Variants in VAV2 observed in about 807,000 individuals in gnomAD.
VAV2 encodes guanine nucleotide exchange factor VAV2.
In VAV2, 67 loss-of-function variants were observed where a neutral mutation model predicts 132.5. That is an observed-to-expected ratio of 0.51 (90% CI 0.42 to 0.62). The LOEUF (loss-of-function observed/expected upper bound fraction) is 0.62, where lower values mean the gene tolerates loss of function less well. Ranked by LOEUF, VAV2 falls within the 20% of genes least tolerant of loss-of-function variation. VAV2 has a pLI of 0.00. For synonymous variants in VAV2, 492 were observed against 443.5 expected, an observed-to-expected ratio of 1.11 and a Z score of -1.37; for missense variants, 938 against 1,153.6, an observed-to-expected ratio of 0.81 and a Z score of 2.71.
At chr9:133,803,253 AT>A (rs1237973461) in intron 9 of VAV2, among the ~76,000 whole-genome samples, 1 of 152,072 alleles carries the variant, frequency 6.6e-6, no homozygotes, top group Non-Finnish European at 1.5e-5. Context: ...TCTGTTCTGC[AT>A]TCCTCCCAAA....
At chr9:133,937,424 C>CTG (rs374257075) in intron 2 of VAV2, among the ~76,000 whole-genome samples, 33,326 of 149,048 alleles carry the variant, frequency 0.22, 3,696 homozygotes, top group Non-Finnish European at 0.23. Flanking sequence ...GACTGTATGT[C>CTG]TGTGTGTGTG....
In VAV2 at chr9:133,805,777, A is replaced by C. The variant is rs139032526; in HGVS notation, c.836+304T>G. ...TGCAGAAGGGAGAAGTGGGGGCCCG[A>C]GATCTCCGCTGGGACAGCCGAGCCA... On this transcript the variant is annotated intron_variant, in intron 9 of 29. Transcript: ENST00000371850. 3.3e-3 allele frequency among the ~76,000 whole-genome samples: 509 copies of C among 152,332 alleles called. 5 individuals carry two copies. Among genetic ancestry groups the C allele is most frequent in the Middle Eastern group, 0.02 (6 of 294 alleles).
chr9:133,934,021 C>T (rs147686987), intron 2 of VAV2, among the ~76,000 whole-genome samples: 1,699 of 125,796 alleles, frequency 0.014, 25 homozygotes, highest in African/African-American at 0.05. Flanking sequence ...GATGGATGGA[C>T]GGATGGGTGG....
intron 2 of VAV2, among the ~76,000 whole-genome samples, chr9:133,893,015 G>C (rs1839040939): frequency 1.3e-5 from 2 of 152,224 alleles, no homozygotes; most frequent in South Asian, 2.1e-4. Context: ...AGCAGGTTTT[G>C]CTGGGCGGTG....
chr9:133,792,048 G>A (rs1470564632), intron 12 of VAV2, among the ~76,000 whole-genome samples, 179 bp from the exon 13 acceptor site: 1 of 150,142 alleles, frequency 6.7e-6, no homozygotes, highest in Non-Finnish European at 1.5e-5. Flanking sequence ...GTGAGCATGT[G>A]TGAGCGGACT....
rs1370546477 is a variant in VAV2 at position 133,764,095 on chromosome 9, A to C, written c.2604T>G (p.Pro868=). 1.2e-6 allele frequency: 2 copies of C among 1,613,896 alleles called. No homozygotes were observed. Among genetic ancestry groups the C allele is most frequent in the East Asian group, 4.5e-5 (2 of 44,870 alleles). Residue 868 remains proline (P), a synonymous_variant, in exon 30 of 30, where the codon CCT becomes CCG. Coordinates refer to ENST00000371850, the MANE Select transcript of VAV2 (RefSeq NM_001134398.2). ...GETNGRIGWF[P]STYVEEEGIQ ...TGCCCTCCTCTTCTACGTACGTTGA[A>C]GGAAACCAGCCAATCTGAAAAAGAT...
At chr9:133,914,808 GA>G (rs58214421) in intron 2 of VAV2, among the ~76,000 whole-genome samples, 51 of 133,652 alleles carry the variant, frequency 3.8e-4, no homozygotes, top group South Asian at 8.5e-4. Context: ...GAGGGGAAGG[GA>G]GAAGGGGAGG....
intron 29 of VAV2, among the ~76,000 whole-genome samples, 178 bp from the exon 30 acceptor site, chr9:133,764,287 A>G (rs1332391429): frequency 6.6e-6 from 1 of 152,086 alleles, no homozygotes; most frequent in Non-Finnish European, 1.5e-5. Flanking sequence ...GCAACCCAGA[A>G]AAACACCACC....
chr9:133,971,981 C>T (rs908851897), intron 1 of VAV2, among the ~76,000 whole-genome samples: 2 of 152,146 alleles, frequency 1.3e-5, no homozygotes, highest in African/African-American at 2.4e-5. Context: ...CCCGGATTCA[C>T]CAGAGATGCA....
intron 1 of VAV2, among the ~76,000 whole-genome samples, chr9:133,964,839 T>C (rs1332776348): frequency 1.3e-5 from 2 of 152,202 alleles, no homozygotes; most frequent in African/African-American, 4.8e-5. Flanking sequence ...ATAAAGGTCA[T>C]ACATGAGAAA....
At chr9:133,909,191 G>T (rs374525518) in intron 2 of VAV2, among the ~76,000 whole-genome samples, 13 of 152,080 alleles carry the variant, frequency 8.5e-5, no homozygotes, top group Non-Finnish European at 1.3e-4. Context: ...ACTGTCTCCC[G>T]GTGGAGACAA....
At chr9:133,903,950 G>T (rs1220702078) in intron 2 of VAV2, among the ~76,000 whole-genome samples, 1 of 152,216 alleles carries the variant, frequency 6.6e-6, no homozygotes, top group African/African-American at 2.4e-5. Context: ...TGTTTTTAAA[G>T]ATGTAAACGA....
At chr9:133,903,374 T>C (rs1219574245) in intron 2 of VAV2, among the ~76,000 whole-genome samples, 2 of 152,170 alleles carry the variant, frequency 1.3e-5, no homozygotes, top group African/African-American at 4.8e-5. Context: ...CAGGGTCCCA[T>C]GCCCACCCTG....
Position 133,857,583 on chromosome 9 carries a change from C to A in VAV2, c.380+3791G>T, listed in dbSNP as rs145586358. ...GGAAAGGGTTGTGTTAAACTAGAACCTTTTGCTAATCACTAACACTACAAA... is the reference window on the plus strand; with the variant it reads ...GGAAAGGGTTGTGTTAAACTAGAACATTTTGCTAATCACTAACACTACAAA... On this transcript the variant is annotated intron_variant, in intron 3 of 29. Transcript: ENST00000371850. The surrounding 1 kb of genome is among the most constrained non-coding windows in gnomAD (Gnocchi z 4.0). Among the ~76,000 whole-genome samples, 2 of 152,308 alleles carry A rather than the reference C, an allele frequency of 1.3e-5. No homozygotes were observed. The highest frequency in any genetic ancestry group is 3.9e-4 in the East Asian group (2 of 5,186).
At chr9:133,968,515 G>C (rs550330904) in intron 1 of VAV2, among the ~76,000 whole-genome samples, 2 of 152,254 alleles carry the variant, frequency 1.3e-5, no homozygotes, top group East Asian at 3.9e-4. Flanking sequence ...AAGAGGAAGA[G>C]AAACGCGCTC....
chr9:133,865,903 C>T (rs938885721), intron 2 of VAV2, among the ~76,000 whole-genome samples: 3 of 152,256 alleles, frequency 2.0e-5, no homozygotes, highest in Non-Finnish European at 4.4e-5. Flanking sequence ...TTTCCCCTGG[C>T]TTTCAGGCCC....
At chr9:133,960,297 G>A (rs1198014287) in intron 1 of VAV2, among the ~76,000 whole-genome samples, 1 of 152,140 alleles carries the variant, frequency 6.6e-6, no homozygotes, top group Non-Finnish European at 1.5e-5. Flanking sequence ...ATCTGTGGGG[G>A]TTTTCATCAT....
At chr9:133,936,086 TC>T (rs1258749936) in intron 2 of VAV2, among the ~76,000 whole-genome samples, 1 of 151,992 alleles carries the variant, frequency 6.6e-6, no homozygotes, top group African/African-American at 2.4e-5. Flanking sequence ...GGTGGGAGTG[TC>T]ACCGCCATTT....
intron 1 of VAV2, among the ~76,000 whole-genome samples, chr9:133,977,359 C>T (rs1038552396): frequency 2.6e-5 from 4 of 152,120 alleles, no homozygotes; most frequent in Non-Finnish European, 4.4e-5. Context: ...TGAGCTGGGG[C>T]CTAGGGGAGG....
Sources: allele counts gnomAD v4.1 joint callset (sites outside exome capture counted in the v4.1 genomes callset), GRCh38; gene constraint gnomAD v4.1.1; non-coding constraint Gnocchi (gnomAD v3.1); transcripts MANE v1.5; gene names NCBI Gene and HGNC (gene_info 2026-07-23, HGNC 2026-07-21).